SHISA9: variants seen among roughly 807,000 people sequenced by gnomAD.
The protein encoded by SHISA9 is shisa family member 9, also known as protein shisa-9.
Under a neutral mutation model 38.0 loss-of-function variants are expected in SHISA9, and 13 were observed. That is an observed-to-expected ratio of 0.34 (90% CI 0.22 to 0.54). SHISA9 has a LOEUF of 0.54. SHISA9 is among the 20% of genes least tolerant of loss of function. SHISA9 has a pLI of 0.91. For synonymous variants in SHISA9, 275 were observed against 242.0 expected (o/e 1.14, Z -1.27); for missense variants, 538 against 575.8 (o/e 0.93, Z 0.67).
chr16:13,006,180 G>A (rs1405338099), intron 2 of SHISA9, among the ~76,000 whole-genome samples: 2 of 152,172 alleles, frequency 1.3e-5, no homozygotes, highest in East Asian at 1.9e-4. Flanking sequence ...ATTTGAAGGA[G>A]AGAAAAATAT....
the SHISA9 span, among the ~76,000 whole-genome samples, chr16:13,404,623 G>C: frequency 6.6e-6 from 1 of 152,142 alleles, no homozygotes; most frequent in South Asian, 2.1e-4. Context: ...GATGGGTAGG[G>C]ATATAGGGAC....
At chr16:13,022,580 C>T (rs1250750678) in intron 2 of SHISA9, among the ~76,000 whole-genome samples, 7 of 152,144 alleles carry the variant, frequency 4.6e-5, no homozygotes, top group African/African-American at 1.4e-4. Flanking sequence ...ATCCACCTGT[C>T]TCGGGCCTCC....
intron 2 of SHISA9, among the ~76,000 whole-genome samples, chr16:13,191,585 G>A (rs140097704): frequency 7.9e-4 from 121 of 152,326 alleles, no homozygotes; most frequent in African/African-American, 2.8e-3. Context: ...TTAGAAGACT[G>A]AGGCTTATAT....
chr16:13,046,597 T>G (rs1358662143), intron 2 of SHISA9, among the ~76,000 whole-genome samples: 2 of 152,204 alleles, frequency 1.3e-5, no homozygotes, highest in Non-Finnish European at 2.9e-5. Context: ...AAAAAGAATT[T>G]GATTGCTTTG....
the SHISA9 span, among the ~76,000 whole-genome samples, chr16:13,456,946 GCCCACAGGCCTATT>G: frequency 1.3e-5 from 2 of 152,226 alleles, no homozygotes; most frequent in African/African-American, 2.4e-5. Context: ...CCGGGACTCT[GCCCACAGGCCTATT>G]CCCTTGGCTA....
chr16:13,434,033 A>G, the SHISA9 span, among the ~76,000 whole-genome samples: 1 of 152,204 alleles, frequency 6.6e-6, no homozygotes, highest in Admixed American at 6.5e-5. Context: ...ACCCAGTACG[A>G]GTCCCAAAAC....
intron 2 of SHISA9, among the ~76,000 whole-genome samples, chr16:12,937,338 A>G (rs275401): frequency 6.6e-6 from 1 of 152,014 alleles, no homozygotes; most frequent in East Asian, 1.9e-4. Context: ...CTCTCTCCTC[A>G]AGCACTCTAA....
the SHISA9 span, among the ~76,000 whole-genome samples, chr16:13,295,091 C>A: frequency 2.6e-5 from 4 of 152,138 alleles, no homozygotes; most frequent in African/African-American, 9.7e-5. Context: ...AGATTCTAAA[C>A]CAGGGAACCT....
the SHISA9 span, among the ~76,000 whole-genome samples, chr16:13,289,942 G>T: frequency 7.9e-5 from 12 of 152,298 alleles, no homozygotes; most frequent in Admixed American, 4.6e-4. Context: ...GGTGATTAAA[G>T]AAAGAATGCT....
intron 2 of SHISA9, among the ~76,000 whole-genome samples, chr16:13,198,191 A>G (rs1213862615): frequency 2.0e-5 from 3 of 152,076 alleles, no homozygotes; most frequent in Non-Finnish European, 1.5e-5. Context: ...TCTCAAAAAA[A>G]AAATTAATAT....
the SHISA9 span, among the ~76,000 whole-genome samples, chr16:13,479,059 C>T: frequency 9.2e-5 from 14 of 152,178 alleles, no homozygotes; most frequent in Non-Finnish European, 1.8e-4. Context: ...AAGGTGTCAT[C>T]ATGGCCTCCT....
chr16:12,906,459 G>A (rs1175431949), intron 1 of SHISA9, among the ~76,000 whole-genome samples: 1 of 152,050 alleles, frequency 6.6e-6, no homozygotes. Context: ...TCCAGGAAGC[G>A]GTGGGGGGAG....
At chr16:12,926,554 T>C (rs1354592675) in intron 2 of SHISA9, among the ~76,000 whole-genome samples, 1 of 152,192 alleles carries the variant, frequency 6.6e-6, no homozygotes, top group Non-Finnish European at 1.5e-5. Context: ...GGAGCTTATG[T>C]TACAGTGGGA....
the SHISA9 span, among the ~76,000 whole-genome samples, chr16:13,357,604 A>G: frequency 3.9e-5 from 6 of 152,228 alleles, no homozygotes; most frequent in African/African-American, 1.4e-4. Context: ...AGAGACCACC[A>G]AACAGGCTTT....
chr16:13,393,220 A>G, the SHISA9 span, among the ~76,000 whole-genome samples: 1 of 152,174 alleles, frequency 6.6e-6, no homozygotes, highest in Non-Finnish European at 1.5e-5. Context: ...AAGCAGGGCC[A>G]GCTCCACGGG....
the SHISA9 span, among the ~76,000 whole-genome samples, chr16:13,372,522 G>T: frequency 6.6e-6 from 1 of 152,184 alleles, no homozygotes. Context: ...CTGATATAAT[G>T]TCCAAGCAGC....
chr16:13,207,799 G>C (rs905756246), intron 3 of SHISA9, among the ~76,000 whole-genome samples: 25 of 152,200 alleles, frequency 1.6e-4, no homozygotes, highest in African/African-American at 5.8e-4. Flanking sequence ...AAAGCATAAT[G>C]TGATCATGGT....
chr16:13,480,182 G>A, the SHISA9 span, among the ~76,000 whole-genome samples: 1 of 151,974 alleles, frequency 6.6e-6, no homozygotes, highest in African/African-American at 2.4e-5. Flanking sequence ...TTTTTGTTTT[G>A]AGCCTCAATT....
intron 4 of SHISA9, among the ~76,000 whole-genome samples, chr16:13,222,142 A>T (rs2051232403): frequency 1.3e-5 from 2 of 152,198 alleles, no homozygotes; most frequent in South Asian, 4.1e-4. Flanking sequence ...TCACAAGAAC[A>T]GCACAGGAAA....
Sources: gnomAD v4.1 joint callset for allele counts (sites outside exome capture counted in the v4.1 genomes callset) on GRCh38, gnomAD v4.1.1 for gene constraint, MANE v1.5 for transcripts, NCBI Gene and HGNC (gene_info 2026-07-23, HGNC 2026-07-21) for gene names.